ERBB4: variants seen among roughly 807,000 people sequenced by gnomAD.
ERBB4 encodes the protein receptor tyrosine-protein kinase erbB-4.
Under a neutral mutation model 158.0 loss-of-function variants are expected in ERBB4, and 42 were observed. That is an observed-to-expected ratio of 0.27 (90% CI 0.21 to 0.34). ERBB4 has a LOEUF of 0.34. Among genes scored for constraint, ERBB4 ranks in the 10% least tolerant of loss-of-function variants. ERBB4 has a pLI of 1.00. For synonymous variants in ERBB4, 583 were observed against 558.7 expected (o/e 1.04, Z -0.61); for missense variants, 1,333 against 1,624.1 (o/e 0.82, Z 3.08).
intron 3 of ERBB4, among the ~76,000 whole-genome samples, chr2:211,865,459 G>C (rs962339537): frequency 6.6e-6 from 1 of 151,928 alleles, no homozygotes; most frequent in Non-Finnish European, 1.5e-5. Context: ...CCTCTGTTTA[G>C]GTAAAATAAG....
chr2:212,429,618 T>G, intron 1 of ERBB4, among the ~76,000 whole-genome samples: 1 of 152,184 alleles, frequency 6.6e-6, no homozygotes, highest in East Asian at 1.9e-4. Flanking sequence ...CTTACAGTAT[T>G]TTCAGGTAGG....
At chr2:212,028,841 T>G (rs1051478360) in intron 2 of ERBB4, among the ~76,000 whole-genome samples, 1 of 152,068 alleles carries the variant, frequency 6.6e-6, no homozygotes. Flanking sequence ...TATGTCTAAA[T>G]GTGAATTTTT....
At chr2:212,464,891 A>ATCTC (rs900849983) in intron 1 of ERBB4, among the ~76,000 whole-genome samples, 1 of 117,300 alleles carries the variant, frequency 8.5e-6, no homozygotes, top group African/African-American at 3.8e-5. Flanking sequence ...AAAGGGAAAC[A>ATCTC]TCACACACAC....
intron 1 of ERBB4, among the ~76,000 whole-genome samples, chr2:212,480,487 T>A (rs987543639): frequency 6.6e-6 from 1 of 152,222 alleles, no homozygotes; most frequent in Admixed American, 6.5e-5. Flanking sequence ...AGCTTGATAG[T>A]ATTTTCCTTG....
intron 20 of ERBB4, among the ~76,000 whole-genome samples, chr2:211,455,515 G>A (rs2064359520): frequency 1.3e-5 from 2 of 152,200 alleles, no homozygotes; most frequent in South Asian, 2.1e-4. Context: ...GGGGAAAAAA[G>A]GGAAAAGCTT....
chr2:212,388,590 C>T (rs909261056), intron 1 of ERBB4, among the ~76,000 whole-genome samples: 1 of 151,892 alleles, frequency 6.6e-6, no homozygotes, highest in Non-Finnish European at 1.5e-5. Context: ...AGGGTTGTCA[C>T]GGATGGACTG....
chr2:212,251,045 TAGCAACTA>T (rs1229281433), intron 1 of ERBB4, among the ~76,000 whole-genome samples: 8 of 151,976 alleles, frequency 5.3e-5, no homozygotes, highest in Non-Finnish European at 1.2e-4. Flanking sequence ...GGGCTGGCAA[TAGCAACTA>T]AGCTTCAAGT....
chr2:212,317,981 T>TA (rs1475859161), intron 1 of ERBB4, among the ~76,000 whole-genome samples: 1 of 151,712 alleles, frequency 6.6e-6, no homozygotes, highest in Non-Finnish European at 1.5e-5. Flanking sequence ...CTATATGCTT[T>TA]ATCCTTCCTT....
chr2:212,124,590 C>A, intron 2 of ERBB4, 162 bp downstream of exon 2: 3 of 725,358 alleles, frequency 4.1e-6, no homozygotes, highest in Non-Finnish European at 7.1e-6. Context: ...TACTCTTGTT[C>A]TTTTCCTGGG....
chr2:212,133,417 G>A (rs1193228572), intron 1 of ERBB4, among the ~76,000 whole-genome samples: 1 of 135,510 alleles, frequency 7.4e-6, no homozygotes. Context: ...GTTTTGTTTT[G>A]TTTTTGTTTT....
At position 211,872,611 on chromosome 2, in the gene ERBB4, A is replaced by C. The variant is rs1345634869; in HGVS notation, c.421+74819T>G. 2.0e-5 allele frequency among the ~76,000 whole-genome samples: 3 copies of C among 152,150 alleles called. No individual in the cohort carries two copies. The East Asian group carries it at 5.8e-4, about 29-fold the overall frequency. On this transcript the variant is annotated intron_variant, in intron 3 of 27. Coordinates refer to ENST00000342788, the MANE Select transcript of ERBB4 (RefSeq NM_005235.3). ...GTCATGCTAGAATATGTTAAACATCAGGTCAGTATATTTAAAGGTCAATAT... is the reference window on the plus strand; with the variant it reads ...GTCATGCTAGAATATGTTAAACATCCGGTCAGTATATTTAAAGGTCAATAT...
At chr2:211,488,280 A>C (rs564816646) in intron 20 of ERBB4, among the ~76,000 whole-genome samples, 2 of 152,198 alleles carry the variant, frequency 1.3e-5, no homozygotes, top group East Asian at 3.9e-4. Flanking sequence ...CATGTTCCCC[A>C]GCCTTCAAGC....
At chr2:211,803,988 T>C (rs2076557219) in intron 3 of ERBB4, among the ~76,000 whole-genome samples, 1 of 152,216 alleles carries the variant, frequency 6.6e-6, no homozygotes, top group African/African-American at 2.4e-5. Context: ...TCATACTTCT[T>C]GTCATCATTT....
At chr2:212,457,247 C>T (rs1051323568) in intron 1 of ERBB4, among the ~76,000 whole-genome samples, 6 of 151,924 alleles carry the variant, frequency 3.9e-5, no homozygotes, top group Non-Finnish European at 8.8e-5. Flanking sequence ...AAGCCCAAAG[C>T]CAGAAATAAT....
chr2:211,929,136 C>A (rs1259070639), intron 3 of ERBB4, among the ~76,000 whole-genome samples: 1 of 152,052 alleles, frequency 6.6e-6, no homozygotes, highest in Non-Finnish European at 1.5e-5. Flanking sequence ...TTTGTGATCT[C>A]AAATTCTGGA....
intron 2 of ERBB4, among the ~76,000 whole-genome samples, chr2:212,069,001 T>C (rs1291457182): frequency 6.6e-6 from 1 of 152,082 alleles, no homozygotes; most frequent in Non-Finnish European, 1.5e-5. Context: ...CCTGCCACCA[T>C]GTAAGACATC....
intron 1 of ERBB4, among the ~76,000 whole-genome samples, chr2:212,463,892 G>C (rs1688700023): frequency 6.6e-6 from 1 of 152,114 alleles, no homozygotes; most frequent in Non-Finnish European, 1.5e-5. Flanking sequence ...AAATATTAAA[G>C]AGAAATAAAA....
chr2:212,293,925 T>G (rs1192920849), intron 1 of ERBB4, among the ~76,000 whole-genome samples: 7 of 150,820 alleles, frequency 4.6e-5, no homozygotes, highest in African/African-American at 1.7e-4. Context: ...TATGTGTGTG[T>G]AGAGAGAATA....
intron 3 of ERBB4, among the ~76,000 whole-genome samples, chr2:211,937,214 CA>C (rs777889155): frequency 2.6e-5 from 4 of 152,068 alleles, no homozygotes; most frequent in Non-Finnish European, 5.9e-5. Context: ...TTGTTTCCTA[CA>C]ATTGATGATG....
Sources: gnomAD v4.1 joint callset for allele counts (sites outside exome capture counted in the v4.1 genomes callset) on GRCh38, gnomAD v4.1.1 for gene constraint, MANE v1.5 for transcripts, NCBI Gene and HGNC (gene_info 2026-07-23, HGNC 2026-07-21) for gene names.